MECOM: variants seen among roughly 807,000 people sequenced by gnomAD.
MECOM encodes MDS1 and EVI1 complex locus.
MECOM carries 13 observed loss-of-function variants against 116.3 expected under a neutral mutation model. The observed-to-expected ratio is 0.11, with a 90% CI of 0.07 to 0.18. The LOEUF (loss-of-function observed/expected upper bound fraction) is 0.18. Among genes scored for constraint, MECOM ranks in the 10% least tolerant of loss-of-function variants. MECOM has a pLI of 1.00. For missense variants in MECOM, 1,299 were observed against 1,509.0 expected, an observed-to-expected ratio of 0.86 and a Z score of 2.31; for synonymous variants, 528 against 535.2, an observed-to-expected ratio of 0.99 and a Z score of 0.19.
At chr3:169,472,648 GA>G (rs1273154812) in intron 1 of MECOM, among the ~76,000 whole-genome samples, 3,847 of 62,820 alleles carry the variant, frequency 0.061, 407 homozygotes, top group South Asian at 0.12. Flanking sequence ...GAAAGGAAAG[GA>G]AAAGAAAAGA....
At chr3:169,494,915 T>C (rs1753633190) in intron 1 of MECOM, among the ~76,000 whole-genome samples, 1 of 152,078 alleles carries the variant, frequency 6.6e-6, no homozygotes, top group Admixed American at 6.6e-5. Flanking sequence ...TGGAAGAGAG[T>C]CAATAAATGA....
At chr3:169,652,561 T>G (rs1775048247) in intron 1 of MECOM, among the ~76,000 whole-genome samples, 1 of 152,188 alleles carries the variant, frequency 6.6e-6, no homozygotes, top group Non-Finnish European at 1.5e-5. Context: ...CAGTCCTATT[T>G]TCTCTATAGA....
chr3:169,616,350 T>G (rs1321850327), intron 1 of MECOM, among the ~76,000 whole-genome samples: 1 of 152,188 alleles, frequency 6.6e-6, no homozygotes, highest in Non-Finnish European at 1.5e-5. Context: ...TTGGTTTTTT[T>G]GTTTTTTTGG....
At chr3:169,638,418 CCCCCTGCTACCATGCA>C (rs1286597390) in intron 1 of MECOM, among the ~76,000 whole-genome samples, 1 of 152,118 alleles carries the variant, frequency 6.6e-6, no homozygotes, top group East Asian at 1.9e-4. Flanking sequence ...ACAGTATTAG[CCCCCTGCTACCATGCA>C]CCATGACCCT....
intron 1 of MECOM, among the ~76,000 whole-genome samples, chr3:169,492,691 G>C (rs1256901539): frequency 6.6e-6 from 1 of 152,232 alleles, no homozygotes; most frequent in East Asian, 1.9e-4. Context: ...GCCCGGCATG[G>C]TGTCTCACGC....
intron 2 of MECOM, among the ~76,000 whole-genome samples, chr3:169,144,665 A>T (rs1739194778): frequency 6.6e-6 from 1 of 152,176 alleles, no homozygotes; most frequent in African/African-American, 2.4e-5. Context: ...TTTTAAGATC[A>T]TGTGTACTTA....
At chr3:169,156,293 C>T (rs142075552) in intron 2 of MECOM, among the ~76,000 whole-genome samples, 50 of 152,274 alleles carry the variant, frequency 3.3e-4, no homozygotes, top group Non-Finnish European at 6.3e-4. Context: ...CAGGCATCAT[C>T]GTAGGTAATT....
At chr3:169,455,807 A>G (rs1259807508) in intron 1 of MECOM, among the ~76,000 whole-genome samples, 1 of 152,172 alleles carries the variant, frequency 6.6e-6, no homozygotes, top group Non-Finnish European at 1.5e-5. Context: ...GACACCAGCC[A>G]CTTCCAAACC....
chr3:169,558,420 G>C (rs902473549), intron 1 of MECOM, among the ~76,000 whole-genome samples: 1 of 152,060 alleles, frequency 6.6e-6, no homozygotes, highest in Non-Finnish European at 1.5e-5. Context: ...ACCAGTAGAC[G>C]CCCATTCTCT....
chr3:169,210,289 G>C (rs533444532), intron 2 of MECOM, among the ~76,000 whole-genome samples: 194 of 152,126 alleles, frequency 1.3e-3, no homozygotes, highest in Non-Finnish European at 2.1e-3. Context: ...CATGGCACAT[G>C]TATAGCTATG....
chr3:169,455,311 A>T (rs998311178), intron 1 of MECOM, among the ~76,000 whole-genome samples: 5 of 152,068 alleles, frequency 3.3e-5, no homozygotes, highest in Admixed American at 6.6e-5. Context: ...GAAAGTGCAC[A>T]CCCTAATTTA....
intron 1 of MECOM, among the ~76,000 whole-genome samples, chr3:169,579,354 C>T (rs375358641): frequency 3.3e-5 from 5 of 152,210 alleles, no homozygotes; most frequent in East Asian, 1.9e-4. Context: ...CAGACAATAC[C>T]GCTTTCTCTG....
chr3:169,262,645 T>C (rs1040479861), intron 2 of MECOM, among the ~76,000 whole-genome samples: 2 of 152,116 alleles, frequency 1.3e-5, no homozygotes, highest in Non-Finnish European at 2.9e-5. Flanking sequence ...AAGCCTTTTA[T>C]TGCAGTGGAG....
intron 1 of MECOM, among the ~76,000 whole-genome samples, chr3:169,395,704 T>A (rs1445318811): frequency 6.6e-6 from 1 of 152,248 alleles, no homozygotes; most frequent in Non-Finnish European, 1.5e-5. Context: ...TCAAGACTTT[T>A]ACTAAGTTCT....
intron 2 of MECOM, among the ~76,000 whole-genome samples, chr3:169,227,994 G>T (rs1381378311): frequency 6.6e-6 from 1 of 152,126 alleles, no homozygotes; most frequent in Non-Finnish European, 1.5e-5. Context: ...TACATTCAAA[G>T]GTCAACAGAA....
intron 2 of MECOM, among the ~76,000 whole-genome samples, chr3:169,218,148 T>C (rs1019204219): frequency 1.3e-5 from 2 of 152,092 alleles, no homozygotes; most frequent in African/African-American, 4.8e-5. Context: ...AAGAGACATC[T>C]TACTGTGTGC....
chr3:169,149,644 G>A (rs777918067), intron 2 of MECOM: 6 of 503,604 alleles, frequency 1.2e-5, no homozygotes, highest in South Asian at 8.8e-5. Context: ...GCACACTGCA[G>A]TCCAGGCATG....
At chr3:169,154,227 A>C (rs73879024) in intron 2 of MECOM, among the ~76,000 whole-genome samples, 1 of 151,458 alleles carries the variant, frequency 6.6e-6, no homozygotes, top group African/African-American at 2.4e-5. Flanking sequence ...CGAGGGTAGG[A>C]ACACACACAC....
At chr3:169,572,287 T>C (rs1415364357) in intron 1 of MECOM, among the ~76,000 whole-genome samples, 1 of 152,274 alleles carries the variant, frequency 6.6e-6, no homozygotes, top group South Asian at 2.1e-4. Context: ...AAAACCACAA[T>C]GAGATACCAT....
Sources: gnomAD v4.1 joint callset for allele counts (sites outside exome capture counted in the v4.1 genomes callset) on GRCh38, gnomAD v4.1.1 for gene constraint, MANE v1.5 for transcripts, NCBI Gene and HGNC (gene_info 2026-07-23, HGNC 2026-07-21) for gene names.